RRP12: variants seen among roughly 807,000 people sequenced by gnomAD.
The protein encoded by RRP12 is ribosomal RNA processing 12 homolog, also known as RRP12-like protein.
Under a neutral mutation model 157.3 loss-of-function variants are expected in RRP12, and 78 were observed. That is an observed-to-expected ratio of 0.50 (90% CI 0.41 to 0.60). The LOEUF is 0.60. Ranked by LOEUF, RRP12 falls within the 20% of genes least tolerant of loss-of-function variation. The pLI is 0.00. For missense variants in RRP12, 1,521 were observed against 1,679.9 expected (o/e 0.91, Z 1.65); for synonymous variants, 726 against 670.9 (o/e 1.08, Z -1.27).
intron 15 of RRP12, 41 bp downstream of exon 15, chr10:97,379,252 T>C: frequency 6.2e-7 from 1 of 1,609,552 alleles, no homozygotes; most frequent in Non-Finnish European, 8.5e-7. Flanking sequence ...TCCAGGACTG[T>C]GGGGAGCCTC....
At chr10:97,394,180 A>C (rs1427871752) in intron 3 of RRP12, among the ~76,000 whole-genome samples, 1 of 151,952 alleles carries the variant, frequency 6.6e-6, no homozygotes, top group Non-Finnish European at 1.5e-5. Context: ...GTCTCTACTA[A>C]AAAATACAAA....
chr10:97,361,620 CG>C (rs1843843798), intron 30 of RRP12, among the ~76,000 whole-genome samples: 1 of 152,176 alleles, frequency 6.6e-6, no homozygotes, highest in Non-Finnish European at 1.5e-5. Flanking sequence ...GTCCACTGGC[CG>C]AAGCCCAGCT....
At chr10:97,396,806 G>C (rs10786340) in intron 2 of RRP12, among the ~76,000 whole-genome samples, 57,317 of 151,924 alleles carry the variant, frequency 0.38, 11,230 homozygotes, top group African/African-American at 0.49. Flanking sequence ...CTCACTGTTA[G>C]CTAGGCAAGA....
chr10:97,365,871 GA>G, intron 29 of RRP12: 2 of 553,036 alleles, frequency 3.6e-6, no homozygotes, highest in Non-Finnish European at 6.4e-6. Flanking sequence ...ACAGTAAGGG[GA>G]AGTACCATTT....
At position 97,398,039 on chromosome 10, in the gene RRP12, A is replaced by ATT. The variant is rs1184698036; in HGVS notation, c.370-1740_370-1739dup. Among the ~76,000 whole-genome samples the ATT allele has an allele frequency of 1.7e-3, 95 of 56,028 alleles. 4 individuals carry two copies. The highest frequency in any genetic ancestry group is 3.6e-3 in the African/African-American group (41 of 11,542). The allele number at this position is 56,028 out of a possible 152,430, so 36.8% of individuals were successfully genotyped here. On this transcript the variant is annotated intron_variant, in intron 2 of 33. Transcript: ENST00000370992. ...TATATATATGTATATATATATACGTATTTTTTTTTTTTTTTTTTTTTTTTT... is the reference window on the plus strand; with the variant it reads ...TATATATATGTATATATATATACGTATTTTTTTTTTTTTTTTTTTTTTTTTTT...
At chr10:97,385,284 G>C in intron 9 of RRP12, 27 bp from the exon 10 acceptor site, 6 of 1,560,094 alleles carry the variant, frequency 3.8e-6, no homozygotes, top group Non-Finnish European at 5.3e-6. Context: ...GCAGGTGACT[G>C]AGCATGCAGG....
At chr10:97,381,870 G>A in intron 10 of RRP12, 44 bp from the exon 11 acceptor site, 1 of 1,467,238 alleles carries the variant, frequency 6.8e-7, no homozygotes, top group Non-Finnish European at 9.5e-7. Flanking sequence ...CTGAGCCCTG[G>A]GGACCCGGGC....
intron 33 of RRP12, among the ~76,000 whole-genome samples, chr10:97,357,782 C>T (rs1374025667): frequency 6.6e-6 from 1 of 151,726 alleles, no homozygotes; most frequent in African/African-American, 2.4e-5. Flanking sequence ...CACAGTGAAA[C>T]CCCGTCTCTA....
At chr10:97,395,804 A>C (rs9787454) in intron 3 of RRP12, among the ~76,000 whole-genome samples, 1 of 150,098 alleles carries the variant, frequency 6.7e-6, no homozygotes, top group East Asian at 2.0e-4. Context: ...TAAGTTGAGA[A>C]CATGCCATTG....
At chr10:97,364,632 A>G (rs61863815) in intron 29 of RRP12, among the ~76,000 whole-genome samples, 59,489 of 152,144 alleles carry the variant, frequency 0.39, 12,336 homozygotes, top group African/African-American at 0.54. Context: ...CAGGAGAATC[A>G]CATAAACTCA....
intron 30 of RRP12, among the ~76,000 whole-genome samples, chr10:97,363,034 G>A (rs1366342250): frequency 1.3e-5 from 2 of 152,298 alleles, no homozygotes; most frequent in South Asian, 4.1e-4. Flanking sequence ...ATCAGGAATT[G>A]AGGCTTTAAA....
chr10:97,401,129 GA>G lies in RRP12; in HGVS notation c.102del (p.Gln35ArgfsTer17). On this transcript the variant is annotated frameshift_variant, in exon 1 of 34. Transcript: ENST00000370992. LOFTEE classifies it high-confidence loss of function. ...SDSNPAICRH[R>X]QAARSRFFSR... ...CTGAAGAAGCGGCTGCGGGCGGCCT[GA>G]CGGTGGCGGCAGATGGCGGGGTTGC... The G allele has an allele frequency of 6.2e-7, 1 of 1,613,938 alleles. No homozygotes were observed. The highest frequency in any genetic ancestry group is 8.5e-7 in the Non-Finnish European group (1 of 1,179,952).
chr10:97,387,308 CTTTTTCTTTCCTTT>C (rs1844660280), intron 8 of RRP12, among the ~76,000 whole-genome samples: 1 of 149,672 alleles, frequency 6.7e-6, no homozygotes, highest in Non-Finnish European at 1.5e-5. Context: ...ATTTTCTTTT[CTTTTTCTTTCCTTT>C]TTTTTCTTTT....
At chr10:97,359,911 C>T (rs1426489881) in intron 31 of RRP12, among the ~76,000 whole-genome samples, 1 of 152,232 alleles carries the variant, frequency 6.6e-6, no homozygotes, top group Non-Finnish European at 1.5e-5. Context: ...GCTGAGGACA[C>T]ACCAGCTACT....
At chr10:97,375,959 C>T (rs886457158) in intron 15 of RRP12, among the ~76,000 whole-genome samples, 8 of 151,836 alleles carry the variant, frequency 5.3e-5, no homozygotes, top group South Asian at 2.1e-4. Flanking sequence ...AAAAAATTAG[C>T]GAGGGGTGAT....
chr10:97,378,752 G>C (rs1844379059), intron 15 of RRP12, among the ~76,000 whole-genome samples: 1 of 152,146 alleles, frequency 6.6e-6, no homozygotes, highest in African/African-American at 2.4e-5. Flanking sequence ...AGCTACTCGG[G>C]AGGCTGAGGC....
At position 97,361,738 on chromosome 10, in the gene RRP12, C is replaced by T. The variant is rs74357283; in HGVS notation, c.3568-1120G>A. On this transcript the variant is annotated intron_variant, in intron 30 of 33. Coordinates refer to ENST00000370992, the MANE Select transcript of RRP12 (RefSeq NM_015179.4). ...CTTGGTTCAGCTGGTGCTTGGCCAA[C>T]AGCCCAGCCTGCTGGCCCTGAATGG... 3.4e-3 allele frequency among the ~76,000 whole-genome samples: 511 copies of T among 152,284 alleles called. 3 individuals are homozygous for T. Among genetic ancestry groups the T allele is most frequent in the African/African-American group, 0.012 (495 of 41,562 alleles).
intron 28 of RRP12, 56 bp from the exon 29 acceptor site, chr10:97,366,289 CTCA>C (rs1242775677): frequency 6.9e-6 from 11 of 1,594,090 alleles, no homozygotes; most frequent in Non-Finnish European, 6.8e-6. Context: ...GCTACTCACC[CTCA>C]TCATGACCAA....
rs745479462 is a variant in RRP12 at position 97,369,505 on chromosome 10, C to T, written c.2875G>A (p.Val959Ile). The change falls in exon 25 of 34, where the codon GTC (valine) becomes ATC (isoleucine). Residue 959 changes from valine (V) to isoleucine (I), a missense_variant. Val to Ile is a conservative substitution (Grantham distance 29, BLOSUM62 3). Coordinates refer to ENST00000370992, the MANE Select transcript of RRP12 (RefSeq NM_015179.4). ...LLLASRTRDVVKSALGFIKVA... is the reference protein window; with the variant it reads ...LLLASRTRDVIKSALGFIKVA... ...TTGATGAAGCCCAGTGCAGACTTGACCACGTCACGGGTGCGGGAGGCCAGA... is the reference window on the plus strand; with the variant it reads ...TTGATGAAGCCCAGTGCAGACTTGATCACGTCACGGGTGCGGGAGGCCAGA... The T allele has an allele frequency of 8.7e-6, 14 of 1,606,816 alleles. No homozygotes were observed. The highest frequency in any genetic ancestry group is 1.2e-5 in the Non-Finnish European group (14 of 1,176,776).
Sources: allele counts gnomAD v4.1 joint callset (sites outside exome capture counted in the v4.1 genomes callset), GRCh38; gene constraint gnomAD v4.1.1; transcripts MANE v1.5; gene names NCBI Gene and HGNC (gene_info 2026-07-23, HGNC 2026-07-21).